The following PXDN variants were observed in gnomAD, a reference collection of about 807,000 sequenced individuals.
PXDN encodes peroxidasin, also known as peroxidasin homolog.
Under a neutral mutation model 140.3 loss-of-function variants are expected in PXDN, and 77 were observed. The observed-to-expected ratio is 0.55, with a 90% confidence interval of 0.46 to 0.66. PXDN has a LOEUF of 0.66. Among genes scored for constraint, PXDN ranks in the 30% least tolerant of loss-of-function variants. The probability of loss-of-function intolerance (pLI) is 0.00; values close to 1 mark genes in which losing one functional copy is unlikely to be tolerated. For missense variants in PXDN, 1,838 were observed against 2,039.5 expected (o/e 0.90, Z 1.90); for synonymous variants, 911 against 857.4 (o/e 1.06, Z -1.09).
Position 1,633,147 on chromosome 2 carries a change from CA to C in PXDN, c.*1056del, listed in dbSNP as rs1321742922. On this transcript the variant is annotated 3_prime_UTR_variant, in exon 23 of 23. Coordinates refer to ENST00000252804, the MANE Select transcript of PXDN (RefSeq NM_012293.3). ...TAAAACATCACGCATTTTAAAAATA[CA>C]AATGAGGTATAGGGATTCTTTTTTT... The C allele has an allele frequency of 5.5e-5, 8 of 145,020 alleles. No individual in the cohort carries two copies. The East Asian group carries it at 1.7e-3, about 31-fold the overall frequency. The allele number at this position is 145,020 out of a possible 1,614,324, so 9.0% of individuals were successfully genotyped here.
chr2:1,632,852 T>C lies in PXDN; in HGVS notation c.*1352A>G, dbSNP rs1682446554. 1 of 152,492 alleles carries C rather than the reference T, an allele frequency of 6.6e-6. No homozygotes were observed. Among genetic ancestry groups the C allele is most frequent in the South Asian group, 2.1e-4 (1 of 4,822 alleles). The allele number at this position is 152,492 out of a possible 1,614,324, so 9.4% of individuals were successfully genotyped here. A position where few individuals can be genotyped will look rare whatever the true frequency, so the allele number is the denominator to read the frequency against. ...TCAGCTGGGCCTTGCTGCGGGCAGG[T>C]GGCCCGGACCTTGGTGCCTCGTGTG... is the stretch of plus-strand genomic sequence containing the variant. On this transcript the variant is annotated 3_prime_UTR_variant, in exon 23 of 23. Transcript: ENST00000252804. This position sits in a 1 kb window ranked among gnomAD's most constrained non-coding sequence, Gnocchi z 4.3.
Position 1,673,725 on chromosome 2 carries a change from C to A in PXDN, c.936G>T (p.Gln312His), listed in dbSNP as rs1169506062. The change falls in exon 9 of 23, where the codon CAG becomes CAT. Residue 312 changes from glutamine to histidine, a missense_variant. Coordinates refer to ENST00000252804, the MANE Select transcript of PXDN (RefSeq NM_012293.3). ...TCTTTGCCATGCACTGGTAGATACC[C>A]TGGTCTGTCTCCTGTGTGTTCTGGA... Reference protein sequence around the residue: ...LMIQNTQETDQGIYQCMAKNV... With the variant: ...LMIQNTQETDHGIYQCMAKNV... The A allele has an allele frequency of 6.2e-7, 1 of 1,613,906 alleles. No individual in the cohort carries two copies. Among genetic ancestry groups the A allele is most frequent in the Non-Finnish European group, 8.5e-7 (1 of 1,179,900 alleles).
chr2:1,651,909 G>A lies in PXDN; in HGVS notation c.2104+1719C>T, dbSNP rs1280699446. On this transcript the variant is annotated intron_variant, in intron 16 of 22. Coordinates refer to ENST00000252804, the MANE Select transcript of PXDN (RefSeq NM_012293.3). The surrounding 1 kb of genome is among the most constrained non-coding windows in gnomAD (Gnocchi z 4.4). ...TTTATTTCTTCCGTTTGTGACTGTAGGCCCTGGCCCAGGACAATGACTGGC... is the reference window on the plus strand; with the variant it reads ...TTTATTTCTTCCGTTTGTGACTGTAAGCCCTGGCCCAGGACAATGACTGGC... 2.0e-5 allele frequency among the ~76,000 whole-genome samples: 3 copies of A among 152,200 alleles called. No homozygotes were observed. The highest frequency in any genetic ancestry group is 7.2e-5 in the African/African-American group (3 of 41,438).
At chr2:1,696,111 C>G (rs1244963947) in intron 1 of PXDN, among the ~76,000 whole-genome samples, 1 of 152,216 alleles carries the variant, frequency 6.6e-6, no homozygotes, top group African/African-American at 2.4e-5. Flanking sequence ...ACAAATAGAA[C>G]ATAAATATAT....
chr2:1,639,899 TCTCCTGAATGTAGCCCAAACAC>T lies in PXDN; in HGVS notation c.3953-499_3953-478del, dbSNP rs1682675171. 6.6e-6 allele frequency among the ~76,000 whole-genome samples: 1 copy of T among 152,170 alleles called. No homozygotes were observed. Among genetic ancestry groups the T allele is most frequent in the South Asian group, 2.1e-4 (1 of 4,826 alleles). On this transcript the variant is annotated intron_variant, in intron 19 of 22. Coordinates refer to ENST00000252804, the MANE Select transcript of PXDN (RefSeq NM_012293.3). The surrounding 1 kb of genome is among the most constrained non-coding windows in gnomAD (Gnocchi z 5.0). Reference sequence around the variant, plus strand: ...AGACAAGAGGCGGCCTGACCCTGCTTCTCCTGAATGTAGCCCAAACACCTCCCTGCCTAGGAGTGGCTTCCTT... The same window carrying T: ...AGACAAGAGGCGGCCTGACCCTGCTTCTCCCTGCCTAGGAGTGGCTTCCTT...
intron 9 of PXDN, among the ~76,000 whole-genome samples, chr2:1,669,262 G>A (rs532437623): frequency 6.6e-6 from 1 of 152,262 alleles, no homozygotes; most frequent in East Asian, 1.9e-4. Flanking sequence ...AGAACCCATG[G>A]ACACAGGGAG....
chr2:1,672,925 C>T (rs1558501892), intron 9 of PXDN, among the ~76,000 whole-genome samples: 1 of 152,194 alleles, frequency 6.6e-6, no homozygotes, highest in Non-Finnish European at 1.5e-5. Flanking sequence ...GGCTCCGACT[C>T]TACCGGCTTC....
chr2:1,646,998 C>A (rs998164974), intron 17 of PXDN, among the ~76,000 whole-genome samples: 1 of 152,148 alleles, frequency 6.6e-6, no homozygotes, highest in Non-Finnish European at 1.5e-5. Context: ...CAGGTTCAAG[C>A]AATTCTCCTG....
chr2:1,694,264 G>T (rs1179904138), intron 1 of PXDN, among the ~76,000 whole-genome samples: 3 of 152,266 alleles, frequency 2.0e-5, no homozygotes, highest in Non-Finnish European at 4.4e-5. Context: ...CAGGACATTA[G>T]GGTATGATAA....
At chr2:1,713,241 C>T (rs1684823965) in intron 1 of PXDN, among the ~76,000 whole-genome samples, 1 of 152,052 alleles carries the variant, frequency 6.6e-6, no homozygotes, top group Non-Finnish European at 1.5e-5. Context: ...CCTTGCAGAG[C>T]GAGATCTAAA....
At chr2:1,731,389 C>T (rs544449902) in intron 1 of PXDN, among the ~76,000 whole-genome samples, 14 of 151,962 alleles carry the variant, frequency 9.2e-5, no homozygotes, top group African/African-American at 2.7e-4. Context: ...TGGGTTGAGA[C>T]GTGTGCTGTC....
At position 1,639,266 on chromosome 2, in the gene PXDN, C is replaced by T; in HGVS notation, c.4073+36G>A. On this transcript the variant is annotated intron_variant, in intron 20 of 22. Transcript: ENST00000252804. This position sits in a 1 kb window ranked among gnomAD's most constrained non-coding sequence, Gnocchi z 5.0. ...GCCCGACGCCCGCGGTGCGAGGGCC[C>T]CTCTGCACATCATTTGACCTCAGAG... is the stretch of plus-strand genomic sequence containing the variant. 1.9e-6 allele frequency: 3 copies of T among 1,596,852 alleles called. No individual in the cohort carries two copies. The highest frequency in any genetic ancestry group is 2.6e-6 in the Non-Finnish European group (3 of 1,171,446).
intron 7 of PXDN, 76 bp downstream of exon 7, chr2:1,680,117 A>T: frequency 1.4e-6 from 2 of 1,385,442 alleles, no homozygotes; most frequent in Non-Finnish European, 2.0e-6. Flanking sequence ...TTGTGTGTGT[A>T]GATGGTGTGT....
chr2:1,695,453 T>C lies in PXDN; in HGVS notation c.201-2319A>G, dbSNP rs1684281011. 2.7e-5 allele frequency among the ~76,000 whole-genome samples: 3 copies of C among 109,632 alleles called. No individual in the cohort carries two copies. In the South Asian group the frequency reaches 1.2e-3, roughly 45 times the overall value. The allele number at this position is 109,632 out of a possible 152,430, so 71.9% of individuals were successfully genotyped here. A position where few individuals can be genotyped will look rare whatever the true frequency, so the allele number is the denominator to read the frequency against. On this transcript the variant is annotated intron_variant, in intron 1 of 22. Transcript: ENST00000252804. ...TGCCCTGCTGGACAGAGAGGTGCTG[T>C]CCCATCCACAGGCCCCTGTGCCCTG... is the stretch of plus-strand genomic sequence containing the variant.
chr2:1,723,117 G>A (rs1685091963), intron 1 of PXDN, among the ~76,000 whole-genome samples: 1 of 152,180 alleles, frequency 6.6e-6, no homozygotes, highest in South Asian at 2.1e-4. Flanking sequence ...TGAATGGACA[G>A]ATGGACTAAT....
chr2:1,672,350 T>C (rs1352110531), intron 9 of PXDN: 1 of 152,244 alleles, frequency 6.6e-6, no homozygotes, highest in Admixed American at 6.5e-5. Flanking sequence ...ATAGTAACTC[T>C]CCTAAGTAGT....
In PXDN at chr2:1,653,707, C is replaced by T. The variant is rs748733255; in HGVS notation, c.2025G>A (p.Ala675=). 1.2e-5 allele frequency: 20 copies of T among 1,606,846 alleles called. No individual in the cohort carries two copies. The highest frequency in any genetic ancestry group is 6.7e-5 in the African/African-American group (5 of 74,802). The change falls in exon 16 of 23, where the codon GCG becomes GCA. Residue 675 remains alanine (A), a synonymous_variant. Coordinates refer to ENST00000252804, the MANE Select transcript of PXDN (RefSeq NM_012293.3). ...RDPYTVEQAR[A]GEIFERTLQL... is the part of the protein sequence containing the mutation. ...GCAATGTCCGTTCAAAGATTTCTCC[C>T]GCCCGTGCCTGTTCAACTGTGTAAG... is the stretch of plus-strand genomic sequence containing the variant.
intron 17 of PXDN, among the ~76,000 whole-genome samples, chr2:1,647,184 G>A (rs1039651901): frequency 2.6e-5 from 4 of 152,158 alleles, no homozygotes; most frequent in African/African-American, 4.8e-5. Context: ...ATGAGCCACC[G>A]GGCCTGGCTG....
At chr2:1,717,127 G>A (rs1233978951) in intron 1 of PXDN, among the ~76,000 whole-genome samples, 1 of 152,156 alleles carries the variant, frequency 6.6e-6, no homozygotes, top group African/African-American at 2.4e-5. Context: ...AAAATGCTAA[G>A]GCCTCCCCAA....
Sources: gnomAD v4.1 joint callset for allele counts (sites outside exome capture counted in the v4.1 genomes callset) on GRCh38, gnomAD v4.1.1 for gene constraint, Gnocchi (gnomAD v3.1) non-coding constraint, MANE v1.5 for transcripts, NCBI Gene and HGNC (gene_info 2026-07-23, HGNC 2026-07-21) for gene names.